GOLM1: variants seen among roughly 807,000 people sequenced by gnomAD.
GOLM1 encodes the protein golgi membrane protein 1.
Under a neutral mutation model 50.5 loss-of-function variants are expected in GOLM1, and 31 were observed. That is an observed-to-expected ratio of 0.61 (90% confidence interval 0.46 to 0.83). The LOEUF (loss-of-function observed/expected upper bound fraction) is 0.83. Among genes scored for constraint, GOLM1 ranks in the 40% least tolerant of loss-of-function variants. The pLI is 0.00. For synonymous variants in GOLM1, 178 were observed against 192.8 expected (o/e 0.92, Z 0.64); for missense variants, 491 against 501.3 (o/e 0.98, Z 0.20).
chr9:86,083,611 T>A (rs570168663), intron 1 of GOLM1, among the ~76,000 whole-genome samples: 1 of 152,182 alleles, frequency 6.6e-6, no homozygotes, highest in South Asian at 2.1e-4. Flanking sequence ...TGGTCTCGAA[T>A]TCTCGGCCTC....
At chr9:86,053,830 C>G (rs898644973) in intron 3 of GOLM1, among the ~76,000 whole-genome samples, 32 of 150,360 alleles carry the variant, frequency 2.1e-4, no homozygotes, top group African/African-American at 7.6e-4. Flanking sequence ...CACACCAAAC[C>G]AAACCACACC....
intron 6 of GOLM1, among the ~76,000 whole-genome samples, chr9:86,037,157 G>C (rs1414195676): frequency 6.6e-6 from 1 of 152,230 alleles, no homozygotes; most frequent in Non-Finnish European, 1.5e-5. Context: ...GCGCACACCT[G>C]TAATCCCAGC....
chr9:86,050,496 C>CT (rs905040753), intron 4 of GOLM1, among the ~76,000 whole-genome samples: 1 of 151,996 alleles, frequency 6.6e-6, no homozygotes, highest in African/African-American at 2.4e-5. Flanking sequence ...TGGTCCTGGA[C>CT]TTTTTTTGGT....
In GOLM1 at chr9:86,035,375, G is replaced by A. The variant is rs755784524; in HGVS notation, c.1008C>T (p.Ala336=). 23 of 1,613,274 alleles carry A rather than the reference G, an allele frequency of 1.4e-5. No homozygotes were observed. In the Admixed American group the frequency reaches 2.2e-4, roughly 15 times the overall value. The change falls in exon 8 of 10, where the codon GCC becomes GCT. Residue 336 remains alanine, a synonymous_variant. Coordinates refer to ENST00000388712, the MANE Select transcript of GOLM1 (RefSeq NM_016548.4). Reference sequence around the variant, plus strand: ...CCGAAACTTCACACCCACCTTCCCCGGCAGCTTCCTGCTCCTCCTCCTGTC... The same window carrying A: ...CCGAAACTTCACACCCACCTTCCCCAGCAGCTTCCTGCTCCTCCTCCTGTC... ...PDGQEEEQEA[A]GEGRNQQKLR... is the part of the protein sequence containing the mutation.
chr9:86,090,786 CAAAAAAAAA>C (rs776381865), intron 1 of GOLM1, among the ~76,000 whole-genome samples: 4 of 41,298 alleles, frequency 9.7e-5, no homozygotes, highest in Non-Finnish European at 2.0e-4. Flanking sequence ...ACTGGGGTAC[CAAAAAAAAA>C]AAAAAAAAAA....
intron 1 of GOLM1, among the ~76,000 whole-genome samples, chr9:86,089,592 G>A (rs906538974): frequency 6.6e-6 from 1 of 152,042 alleles, no homozygotes; most frequent in African/African-American, 2.4e-5. Flanking sequence ...CTCGTGCTGT[G>A]TTTTTCAGCT....
At chr9:86,033,447 A>T (rs537452108) in intron 8 of GOLM1, 52 bp from the exon 9 acceptor site, 1 of 1,112,698 alleles carries the variant, frequency 9.0e-7, no homozygotes, top group African/African-American at 1.5e-5. Context: ...TCTTGATGTC[A>T]CAGGACTATC....
intron 5 of GOLM1, among the ~76,000 whole-genome samples, chr9:86,044,990 A>T (rs1321816814): frequency 6.6e-6 from 1 of 152,064 alleles, no homozygotes; most frequent in Non-Finnish European, 1.5e-5. Context: ...TGTTGTCATT[A>T]TTTAGGAGAC....
At chr9:86,042,729 G>A (rs535920873) in intron 5 of GOLM1, among the ~76,000 whole-genome samples, 14 of 152,288 alleles carry the variant, frequency 9.2e-5, no homozygotes, top group African/African-American at 3.1e-4. Flanking sequence ...ACCTGCAAAA[G>A]GGAAGTACTG....
chr9:86,053,346 A>C (rs966213890), intron 3 of GOLM1, among the ~76,000 whole-genome samples: 1 of 113,702 alleles, frequency 8.8e-6, no homozygotes, highest in African/African-American at 3.5e-5. Context: ...ACCACGCCAC[A>C]ACTCCACACC....
chr9:86,050,650 T>C (rs953454697), intron 4 of GOLM1, among the ~76,000 whole-genome samples: 1 of 152,234 alleles, frequency 6.6e-6, no homozygotes, highest in Non-Finnish European at 1.5e-5. Context: ...TTTATTTGCA[T>C]AGAGGTGTTT....
At chr9:86,038,733 C>CCG (rs911354629) in intron 6 of GOLM1, among the ~76,000 whole-genome samples, 2 of 152,160 alleles carry the variant, frequency 1.3e-5, no homozygotes, top group African/African-American at 2.4e-5. Context: ...AACTTGATAA[C>CCG]CGCACACACA....
In GOLM1 at chr9:86,027,634, A is replaced by C; in HGVS notation, c.*183T>G. On this transcript the variant is annotated 3_prime_UTR_variant, in exon 10 of 10. Transcript: ENST00000388712. ...ATTAGACACTTCCAAAGTACCCCCC[A>C]AAAGCTGTTTAAAAGACCATTCCAT... The C allele has an allele frequency of 1.4e-6, 2 of 1,385,808 alleles. No homozygotes were observed. Among genetic ancestry groups the C allele is most frequent in the Non-Finnish European group, 1.9e-6 (2 of 1,074,538 alleles). The allele number at this position is 1,385,808 out of a possible 1,614,324, so 85.8% of individuals were successfully genotyped here. A position where few individuals can be genotyped will look rare whatever the true frequency, so the allele number is the denominator to read the frequency against.
At chr9:86,072,285 T>A (rs1834471863) in intron 3 of GOLM1, among the ~76,000 whole-genome samples, 1 of 152,132 alleles carries the variant, frequency 6.6e-6, no homozygotes, top group Non-Finnish European at 1.5e-5. Flanking sequence ...AATATCTGGG[T>A]GAGGGGCACG....
intron 1 of GOLM1, among the ~76,000 whole-genome samples, chr9:86,088,584 T>TTG (rs1554675574): frequency 0.033 from 4,520 of 136,144 alleles, 272 homozygotes; most frequent in African/African-American, 0.11. Context: ...TTTTTTTTTT[T>TTG]TTTTGTTTTG....
intron 5 of GOLM1, among the ~76,000 whole-genome samples, chr9:86,041,562 C>G (rs866186585): frequency 6.6e-6 from 1 of 152,220 alleles, no homozygotes. Context: ...CCTGTCTCCC[C>G]CCGGCGCCTG....
At chr9:86,053,728 TC>T (rs1833895641) in intron 3 of GOLM1, among the ~76,000 whole-genome samples, 1 of 27,592 alleles carries the variant, frequency 3.6e-5, no homozygotes, top group Non-Finnish European at 7.5e-5. Context: ...CACAGACTGC[TC>T]CACTCCACAC....
At chr9:86,048,938 G>A (rs149514629) in intron 4 of GOLM1, among the ~76,000 whole-genome samples, 2,020 of 152,286 alleles carry the variant, frequency 0.013, 43 homozygotes, top group African/African-American at 0.045. Flanking sequence ...TTTTAGACAC[G>A]AAGTCCTTGC....
intron 1 of GOLM1, among the ~76,000 whole-genome samples, chr9:86,081,580 G>C (rs1180584426): frequency 6.6e-6 from 1 of 152,094 alleles, no homozygotes; most frequent in Non-Finnish European, 1.5e-5. Flanking sequence ...GGAAAAAATA[G>C]GAAACTACAC....
Sources: gnomAD v4.1 joint callset for allele counts (sites outside exome capture counted in the v4.1 genomes callset) on GRCh38, gnomAD v4.1.1 for gene constraint, MANE v1.5 for transcripts, NCBI Gene and HGNC (gene_info 2026-07-23, HGNC 2026-07-21) for gene names.